Variants in CDC7 observed in about 807,000 individuals in gnomAD.
CDC7 encodes the protein cell division cycle 7.
Under a neutral mutation model 53.5 loss-of-function variants are expected in CDC7, and 34 were observed. The ratio of observed to expected loss-of-function variants is 0.64; its 90% CI spans 0.48 to 0.85. The LOEUF is 0.85. Ranked by LOEUF, CDC7 falls within the 40% of genes least tolerant of loss-of-function variation. The pLI, the probability that CDC7 is intolerant of heterozygous loss-of-function variation, is 0.00. For missense variants in CDC7, 594 were observed against 679.7 expected (o/e 0.87, Z 1.40); for synonymous variants, 211 against 222.8 (o/e 0.95, Z 0.47).
chr1:91,519,067 A>T (rs1442844822), intron 10 of CDC7, among the ~76,000 whole-genome samples: 1 of 151,404 alleles, frequency 6.6e-6, no homozygotes, highest in Admixed American at 6.6e-5. Flanking sequence ...TCTCGAAAAA[A>T]AAAAAAAAAG....
At chr1:91,513,414 T>C (rs996951525) in intron 7 of CDC7, 107 bp downstream of exon 7, 6 of 711,896 alleles carry the variant, frequency 8.4e-6, no homozygotes, top group Non-Finnish European at 1.0e-5. Context: ...TTTAAAAAAC[T>C]TTTTTTTGCA....
intron 2 of CDC7, among the ~76,000 whole-genome samples, 193 bp downstream of exon 2, chr1:91,502,024 C>T (rs1401406885): frequency 2.6e-5 from 4 of 152,174 alleles, no homozygotes; most frequent in Non-Finnish European, 4.4e-5. Context: ...TGTAATACAA[C>T]CTGTTTTACG....
chr1:91,514,791 A>T, intron 8 of CDC7, 28 bp from the exon 9 acceptor site: 1 of 1,523,472 alleles, frequency 6.6e-7, no homozygotes, highest in Non-Finnish European at 8.8e-7. Flanking sequence ...TATCATGAAA[A>T]TAGAAAAATG....
At chr1:91,506,680 C>T (rs1280854382) in intron 2 of CDC7, among the ~76,000 whole-genome samples, 2 of 151,992 alleles carry the variant, frequency 1.3e-5, no homozygotes, top group Admixed American at 6.6e-5. Context: ...CCAGGTGCGG[C>T]GGCTCACACC....
At chr1:91,520,893 C>T (rs1667904459) in intron 11 of CDC7, among the ~76,000 whole-genome samples, 1 of 152,164 alleles carries the variant, frequency 6.6e-6, no homozygotes, top group Non-Finnish European at 1.5e-5. Flanking sequence ...TCTCCTTAGC[C>T]ACGCAAGTTC....
chr1:91,515,094 T>C, intron 9 of CDC7, 97 bp downstream of exon 9: 1 of 931,616 alleles, frequency 1.1e-6, no homozygotes, highest in Middle Eastern at 2.2e-4. Flanking sequence ...AGGGATCAGT[T>C]CAGATCAGTG....
At position 91,524,614 on chromosome 1, in the gene CDC7, C is replaced by T. The variant is rs1374528681; in HGVS notation, c.*179C>T. On this transcript the variant is annotated 3_prime_UTR_variant, in exon 12 of 12. Coordinates refer to ENST00000234626, the MANE Select transcript of CDC7 (RefSeq NM_003503.4). The stretch of plus-strand genomic sequence containing the variant: ...AATACTTAAAATGCCTGGGATAGTT[C>T]TTGGGACTAACAACATGATCTTCTT... 2 of 557,278 alleles carry T rather than the reference C, an allele frequency of 3.6e-6. No individual in the cohort carries two copies. Among genetic ancestry groups the T allele is most frequent in the African/African-American group, 3.8e-5 (2 of 52,582 alleles). 34.5% of individuals were successfully genotyped at this position (557,278 alleles called of 1,614,324 possible).
intron 2 of CDC7, 22 bp from the exon 3 acceptor site, chr1:91,507,832 T>G (rs1013681783): frequency 8.0e-7 from 1 of 1,252,094 alleles, no homozygotes; most frequent in Non-Finnish European, 1.1e-6. Context: ...ATTAAAACTC[T>G]AAATTTTTGT....
rs1406380971 is a variant in CDC7 at position 91,524,157 on chromosome 1, G to A, written c.1447G>A (p.Ala483Thr). 2 of 1,614,058 alleles carry A rather than the reference G, an allele frequency of 1.2e-6. No homozygotes were observed. The highest frequency in any genetic ancestry group is 4.5e-5 in the East Asian group (2 of 44,856). Residue 483 changes from alanine to threonine, a missense_variant, in exon 12 of 12, where the codon GCT becomes ACT. Transcript: ENST00000234626. ...PKLTSDIQGHASHQPAISEKT... is the reference protein window; with the variant it reads ...PKLTSDIQGHTSHQPAISEKT... ...GTTAACAAGTGATATACAAGGGCAT[G>A]CTTCTCATCAACCAGCTATTTCAGA...
chr1:91,510,903 GCTCT>G (rs1294721833), intron 4 of CDC7, among the ~76,000 whole-genome samples: 1 of 151,862 alleles, frequency 6.6e-6, no homozygotes, highest in Non-Finnish European at 1.5e-5. Flanking sequence ...TTCTTATTTG[GCTCT>G]CTAACTTGGC....
chr1:91,509,539 A>G (rs145365163), intron 4 of CDC7, among the ~76,000 whole-genome samples: 6 of 152,298 alleles, frequency 3.9e-5, no homozygotes, highest in East Asian at 1.9e-4. Flanking sequence ...GCTCTAAAGT[A>G]TATCTAGAAG....
intron 6 of CDC7, 52 bp from the exon 7 acceptor site, chr1:91,513,006 A>C: frequency 1.3e-6 from 2 of 1,510,920 alleles, no homozygotes; most frequent in East Asian, 4.5e-5. Flanking sequence ...TTACAATGTT[A>C]CTAAGCTTTA....
rs749067121 is a variant in CDC7, at chr1:91,514,888, A to G, written c.988A>G (p.Thr330Ala). The G allele has an allele frequency of 6.2e-6, 10 of 1,613,690 alleles. No individual in the cohort carries two copies. The highest frequency in any genetic ancestry group is 2.2e-5 in the East Asian group (1 of 44,866). ...AGCAACAAAAAAGAAGGCTATTTCT[A>G]CAAAAGTTATGAATAGTGCTGTGAT... ...KLATKKKAIS[T>A]KVMNSAVMRK... is the part of the protein sequence containing the mutation. The change falls in exon 9 of 12, where the codon ACA (threonine) becomes GCA (alanine). Residue 330 changes from threonine to alanine, a missense_variant. By Grantham distance (58) the Thr-to-Ala change is moderately conservative. Coordinates refer to ENST00000234626, the MANE Select transcript of CDC7 (RefSeq NM_003503.4).
At chr1:91,506,914 C>T (rs1051856289) in intron 2 of CDC7, among the ~76,000 whole-genome samples, 2 of 152,232 alleles carry the variant, frequency 1.3e-5, no homozygotes, top group Middle Eastern at 6.8e-3. Context: ...TACATCACTG[C>T]ACTCCAACCT....
At chr1:91,513,589 G>A (rs1052806051) in intron 7 of CDC7, among the ~76,000 whole-genome samples, 1 of 152,086 alleles carries the variant, frequency 6.6e-6, no homozygotes, top group African/African-American at 2.4e-5. Flanking sequence ...AATTTTCCCT[G>A]CATGTTAAAA....
intron 11 of CDC7, among the ~76,000 whole-genome samples, chr1:91,522,033 C>T (rs1008915146): frequency 3.3e-5 from 5 of 152,048 alleles, no homozygotes; most frequent in African/African-American, 1.2e-4. Flanking sequence ...GGCATGGTAG[C>T]ATGCACTTGT....
intron 10 of CDC7, among the ~76,000 whole-genome samples, chr1:91,519,010 G>A (rs13447535): frequency 1.3e-3 from 189 of 145,272 alleles, no homozygotes; most frequent in Non-Finnish European, 2.0e-3. Context: ...GCAGTGAGCC[G>A]AGATCACACT....
intron 8 of CDC7, 107 bp from the exon 9 acceptor site, chr1:91,514,712 A>G (rs955908240): frequency 1.3e-6 from 1 of 761,540 alleles, no homozygotes; most frequent in Non-Finnish European, 2.1e-6. Context: ...ATAGCCATTC[A>G]GCAGTTTTTA....
chr1:91,510,222 GAAAA>G (rs34141292), intron 4 of CDC7, among the ~76,000 whole-genome samples: 1 of 139,830 alleles, frequency 7.2e-6, no homozygotes, highest in Admixed American at 7.1e-5. Context: ...CTGCCTCTGA[GAAAA>G]AAAAAAAAGA....
Sources: gnomAD v4.1 joint callset for allele counts (sites outside exome capture counted in the v4.1 genomes callset) on GRCh38, gnomAD v4.1.1 for gene constraint, MANE v1.5 for transcripts, NCBI Gene and HGNC (gene_info 2026-07-23, HGNC 2026-07-21) for gene names.